Variants in MORN5 observed in about 807,000 individuals in gnomAD.
MORN5 encodes the protein MORN repeat-containing protein 5.
A neutral mutation model predicts 22.1 loss-of-function variants in MORN5; 21 were observed. That is an observed-to-expected ratio of 0.95 (90% CI 0.67 to 1.37). MORN5 has a LOEUF of 1.37. Among genes scored for constraint, MORN5 ranks in the 40% most tolerant of loss-of-function variants. The pLI, the probability that MORN5 is intolerant of heterozygous loss-of-function variation, is 0.00. For missense variants in MORN5, 211 were observed against 215.1 expected (o/e 0.98, Z 0.12); for synonymous variants, 73 against 74.0 (o/e 0.99, Z 0.07).
rs1241628058 is a variant in MORN5, at chr9:122,196,933, C to G, written c.440-2952C>G. 2.6e-5 allele frequency among the ~76,000 whole-genome samples: 4 copies of G among 152,308 alleles called. No individual in the cohort carries two copies. The East Asian group carries it at 7.7e-4, about 29-fold the overall frequency. On this transcript the variant is annotated intron_variant, in intron 4 of 4. Coordinates refer to ENST00000373764, the MANE Select transcript of MORN5 (RefSeq NM_198469.4). ...TTTCAGTAGCTGCTAAATATCCCCT[C>G]AAGTGTCTTATAGTATCCACCTCCC...
intron 4 of MORN5, among the ~76,000 whole-genome samples, chr9:122,198,357 G>A (rs1422374887): frequency 1.3e-5 from 2 of 152,170 alleles, no homozygotes; most frequent in African/African-American, 2.4e-5. Context: ...CCAAGCATCT[G>A]CCATTTGTCA....
intron 4 of MORN5, among the ~76,000 whole-genome samples, chr9:122,180,632 A>C (rs1027104873): frequency 1.3e-5 from 2 of 152,136 alleles, no homozygotes; most frequent in Non-Finnish European, 2.9e-5. Flanking sequence ...GTTGCTAGGC[A>C]CTAAATTGAT....
At chr9:122,178,081 C>T (rs1829480327) in intron 4 of MORN5, among the ~76,000 whole-genome samples, 1 of 152,202 alleles carries the variant, frequency 6.6e-6, no homozygotes, top group Admixed American at 6.5e-5. Flanking sequence ...ATATGCTAGC[C>T]AGGCATGGTG....
At chr9:122,169,279 A>C (rs1166651420) in intron 2 of MORN5, among the ~76,000 whole-genome samples, 1 of 152,160 alleles carries the variant, frequency 6.6e-6, no homozygotes, top group Non-Finnish European at 1.5e-5. Flanking sequence ...GTCTCACAAA[A>C]TCAACCATCA....
rs76258608 is a variant in MORN5 at position 122,198,855 on chromosome 9, T to C, written c.440-1030T>C. On this transcript the variant is annotated intron_variant, in intron 4 of 4. Coordinates refer to ENST00000373764, the MANE Select transcript of MORN5 (RefSeq NM_198469.4). ...TACACACAGCAACAAGAATAGATCT[T>C]GAGTGAAAGCTGTGAGACATAATGA... 3.0e-4 allele frequency among the ~76,000 whole-genome samples: 46 copies of C among 152,286 alleles called. No homozygotes were observed. The East Asian group carries it at 8.7e-3, about 29-fold the overall frequency.
At chr9:122,176,013 CAGGA>C (rs1299274374) in intron 4 of MORN5, among the ~76,000 whole-genome samples, 25 of 150,190 alleles carry the variant, frequency 1.7e-4, no homozygotes. Context: ...ACTCAGGAGG[CAGGA>C]TGAGACAGGA....
chr9:122,196,035 G>C (rs140624496), intron 4 of MORN5, among the ~76,000 whole-genome samples: 3 of 151,082 alleles, frequency 2.0e-5, no homozygotes, highest in Admixed American at 6.6e-5. Context: ...ACAGCTCACC[G>C]CAGCCTCAAC....
At chr9:122,177,765 T>G (rs886754852) in intron 4 of MORN5, among the ~76,000 whole-genome samples, 4 of 152,258 alleles carry the variant, frequency 2.6e-5, no homozygotes, top group African/African-American at 9.6e-5. Context: ...CCACCCCTTT[T>G]GTTGCTCAGC....
chr9:122,177,324 G>GC (rs1829467427), intron 4 of MORN5, among the ~76,000 whole-genome samples: 1 of 152,236 alleles, frequency 6.6e-6, no homozygotes, highest in African/African-American at 2.4e-5. Flanking sequence ...CTGCCTGACA[G>GC]CCCCTAACAA....
chr9:122,196,717 T>C (rs2118791769), intron 4 of MORN5, among the ~76,000 whole-genome samples: 1 of 152,326 alleles, frequency 6.6e-6, no homozygotes, highest in Non-Finnish European at 1.5e-5. Context: ...AAAGAGAAAC[T>C]CTCTCATCCC....
Position 122,162,560 on chromosome 9 carries a change from G to C in MORN5, c.47+2541G>C, listed in dbSNP as rs112989980. Among the ~76,000 whole-genome samples the C allele has an allele frequency of 7.4e-4, 113 of 152,170 alleles. 2 individuals are homozygous for C. The highest frequency in any genetic ancestry group is 2.7e-3 in the African/African-American group (112 of 41,518). On this transcript the variant is annotated intron_variant, in intron 1 of 4. Coordinates refer to ENST00000373764, the MANE Select transcript of MORN5 (RefSeq NM_198469.4). ...GCCTTATTTATAATAACCAAAACTAGAAACAAACCCAAATGTCATCAACAG... is the reference window on the plus strand; with the variant it reads ...GCCTTATTTATAATAACCAAAACTACAAACAAACCCAAATGTCATCAACAG...
At position 122,190,255 on chromosome 9, in the gene MORN5, C is replaced by T. The variant is rs147045892; in HGVS notation, c.440-9630C>T. ...CTTAGGCCTAACTTTGGAGACCCCA[C>T]CTCAATTATTTCCACATATTAAAAC... On this transcript the variant is annotated intron_variant, in intron 4 of 4. Transcript: ENST00000373764. 3.4e-3 allele frequency among the ~76,000 whole-genome samples: 520 copies of T among 152,330 alleles called. 4 individuals carry two copies. The highest frequency in any genetic ancestry group is 0.012 in the African/African-American group (481 of 41,574).
chr9:122,160,345 A>G (rs369145411), intron 1 of MORN5, among the ~76,000 whole-genome samples: 5 of 152,344 alleles, frequency 3.3e-5, no homozygotes, highest in Admixed American at 1.3e-4. Context: ...TAAGTGATAA[A>G]ATAATTACAG....
chr9:122,177,795 C>T (rs1321418103), intron 4 of MORN5, among the ~76,000 whole-genome samples: 2 of 152,242 alleles, frequency 1.3e-5, no homozygotes, highest in Non-Finnish European at 2.9e-5. Flanking sequence ...CATTCTTCTA[C>T]AGATATTAAG....
intron 4 of MORN5, among the ~76,000 whole-genome samples, chr9:122,177,143 A>C (rs143474703): frequency 1.8e-4 from 27 of 152,356 alleles, no homozygotes; most frequent in African/African-American, 5.3e-4. Context: ...GGGCTTCTGC[A>C]GAGCTGGGAC....
intron 4 of MORN5, chr9:122,174,945 C>A: frequency 2.2e-6 from 2 of 904,222 alleles, no homozygotes; most frequent in Non-Finnish European, 2.6e-6. Flanking sequence ...AGACACTGTG[C>A]TTGGTGTTGG....
chr9:122,174,118 C>T lies in MORN5; in HGVS notation c.308-378C>T, dbSNP rs148215484. On this transcript the variant is annotated intron_variant, in intron 3 of 4. Transcript: ENST00000373764. The stretch of plus-strand genomic sequence containing the variant: ...GATCCATGCCTCTGGCCTCTGCCCA[C>T]GCTTTGAATGCCACCCCTCTTCTGG... 4.2e-4 allele frequency among the ~76,000 whole-genome samples: 64 copies of T among 152,346 alleles called. No individual in the cohort carries two copies. The East Asian group carries it at 5.0e-3, about 12-fold the overall frequency.
chr9:122,199,862 C>T, intron 4 of MORN5, 23 bp from the exon 5 acceptor site: 2 of 1,613,778 alleles, frequency 1.2e-6, no homozygotes, highest in Non-Finnish European at 1.7e-6. Context: ...CAAGCATGAC[C>T]AGCTCTTCCT....
At chr9:122,171,607 A>G (rs1361758958) in intron 3 of MORN5, among the ~76,000 whole-genome samples, 4 of 152,056 alleles carry the variant, frequency 2.6e-5, no homozygotes, top group African/African-American at 9.7e-5. Flanking sequence ...TGACACCTGT[A>G]TTGGTCGTTC....
Sources: allele counts gnomAD v4.1 joint callset (sites outside exome capture counted in the v4.1 genomes callset), GRCh38; gene constraint gnomAD v4.1.1; transcripts MANE v1.5; gene names NCBI Gene and HGNC (gene_info 2026-07-23, HGNC 2026-07-21).